The following CTNND2 variants were observed in gnomAD, a reference collection of about 807,000 sequenced individuals.
CTNND2 encodes catenin delta 2.
A neutral mutation model predicts 144.4 loss-of-function variants in CTNND2; 22 were observed. The observed-to-expected ratio is 0.15, with a 90% CI of 0.11 to 0.22. The LOEUF is 0.22. Ranked by LOEUF, CTNND2 falls within the 10% of genes least tolerant of loss-of-function variation. The pLI, the probability that CTNND2 is intolerant of heterozygous loss-of-function variation, is 1.00. For missense variants in CTNND2, 1,353 were observed against 1,618.8 expected, an observed-to-expected ratio of 0.84 and a Z score of 2.82; for synonymous variants, 751 against 695.6, an observed-to-expected ratio of 1.08 and a Z score of -1.25.
chr5:11,864,805 G>C (rs1233838713), intron 1 of CTNND2, among the ~76,000 whole-genome samples: 2 of 149,044 alleles, frequency 1.3e-5, no homozygotes, highest in Admixed American at 1.3e-4. Context: ...TGGCAAAACT[G>C]TCTCCACTTG....
chr5:11,328,700 C>T (rs1183856552), intron 9 of CTNND2, among the ~76,000 whole-genome samples: 1 of 128,112 alleles, frequency 7.8e-6, no homozygotes, highest in Non-Finnish European at 1.7e-5. Context: ...GGCTACCATA[C>T]TCCCAACAGC....
rs867120023 is a variant in CTNND2, at chr5:11,078,308, T to C, written c.2788+4388A>G. Among the ~76,000 whole-genome samples, 4 of 152,214 alleles carry C rather than the reference T, an allele frequency of 2.6e-5. No homozygotes were observed. The South Asian group carries it at 6.2e-4, about 24-fold the overall frequency. On this transcript the variant is annotated intron_variant, in intron 16 of 21. Coordinates refer to ENST00000304623, the MANE Select transcript of CTNND2 (RefSeq NM_001332.4). ...TTTAAAGTAAAATAGTTAGCAAAAG[T>C]CGCATTTCCTCTCTCTTAAATACAA...
intron 2 of CTNND2, among the ~76,000 whole-genome samples, chr5:11,648,175 T>TC (rs1478339793): frequency 6.7e-6 from 1 of 149,126 alleles, no homozygotes; most frequent in Non-Finnish European, 1.5e-5. Context: ...ACAGTGACTT[T>TC]TTTTTTTTTT....
intron 1 of CTNND2, among the ~76,000 whole-genome samples, chr5:11,837,495 G>C (rs1004063407): frequency 6.6e-6 from 1 of 152,180 alleles, no homozygotes; most frequent in African/African-American, 2.4e-5. Flanking sequence ...CAAGGGCAGG[G>C]AAGACTAGTC....
At chr5:11,889,805 C>G (rs1386629275) in intron 1 of CTNND2, among the ~76,000 whole-genome samples, 2 of 152,158 alleles carry the variant, frequency 1.3e-5, no homozygotes, top group African/African-American at 4.8e-5. Flanking sequence ...ACTTTTAAAA[C>G]TCCATATCCC....
At chr5:11,347,949 C>G (rs1039421915) in intron 8 of CTNND2, among the ~76,000 whole-genome samples, 1 of 152,048 alleles carries the variant, frequency 6.6e-6, no homozygotes, top group Admixed American at 6.6e-5. Flanking sequence ...ACTCTAATAC[C>G]GAGGATTGAC....
At chr5:10,995,937 A>G (rs953734304) in intron 18 of CTNND2, among the ~76,000 whole-genome samples, 4 of 152,166 alleles carry the variant, frequency 2.6e-5, no homozygotes, top group African/African-American at 9.7e-5. Context: ...TCTGCTGAGA[A>G]TAAGGAAGGG....
At chr5:11,250,657 C>T (rs1344333832) in intron 9 of CTNND2, among the ~76,000 whole-genome samples, 4 of 151,392 alleles carry the variant, frequency 2.6e-5, no homozygotes, top group Non-Finnish European at 5.9e-5. Flanking sequence ...GCTAGTACTA[C>T]AGGCACGCAC....
intron 3 of CTNND2, among the ~76,000 whole-genome samples, chr5:11,485,942 C>T (rs879316487): frequency 3.9e-5 from 6 of 151,990 alleles, no homozygotes; most frequent in Non-Finnish European, 5.9e-5. Flanking sequence ...TCATAAACAA[C>T]TTAAAATACA....
chr5:11,736,798 T>C (rs1287722044), intron 1 of CTNND2, among the ~76,000 whole-genome samples: 3 of 152,162 alleles, frequency 2.0e-5, no homozygotes, highest in Non-Finnish European at 2.9e-5. Flanking sequence ...ATTCTGCCAT[T>C]CCAGATAAGT....
At chr5:11,826,589 T>C (rs1462158015) in intron 1 of CTNND2, among the ~76,000 whole-genome samples, 1 of 151,942 alleles carries the variant, frequency 6.6e-6, no homozygotes, top group Non-Finnish European at 1.5e-5. Context: ...TGATATCCAA[T>C]CTAATATGGT....
Position 11,597,583 on chromosome 5 carries a change from C to CT in CTNND2, c.175-32528dup, listed in dbSNP as rs1194224784. On this transcript the variant is annotated intron_variant, in intron 2 of 21. Coordinates refer to ENST00000304623, the MANE Select transcript of CTNND2 (RefSeq NM_001332.4). ...TGAGCAGTCCGAATTAGGGAATATTCTTTTTTTTTTTTGAAACAGAGTGTC... is the reference window on the plus strand; with the variant it reads ...TGAGCAGTCCGAATTAGGGAATATTCTTTTTTTTTTTTTGAAACAGAGTGTC... Among the ~76,000 whole-genome samples, 121 of 146,986 alleles carry CT rather than the reference C, an allele frequency of 8.2e-4. 1 individual carries two copies. The highest frequency in any genetic ancestry group is 7.4e-3 in the South Asian group (34 of 4,600).
chr5:11,084,000 C>T (rs995881604), intron 15 of CTNND2: 4 of 1,013,334 alleles, frequency 3.9e-6, no homozygotes, highest in Non-Finnish European at 4.8e-6. Context: ...TCCTGTCCTA[C>T]ATTAGAAATC....
chr5:11,118,589 C>T (rs1205735692), intron 12 of CTNND2, among the ~76,000 whole-genome samples: 1 of 152,132 alleles, frequency 6.6e-6, no homozygotes, highest in African/African-American at 2.4e-5. Context: ...CTTGGTGATG[C>T]TGATGTTGAG....
At chr5:11,107,609 T>C (rs552876153) in intron 14 of CTNND2, among the ~76,000 whole-genome samples, 65 of 152,376 alleles carry the variant, frequency 4.3e-4, no homozygotes, top group African/African-American at 9.6e-4. Flanking sequence ...AGGGATACTT[T>C]TTGACACATA....
intron 15 of CTNND2, among the ~76,000 whole-genome samples, chr5:11,098,318 C>T (rs1751560450): frequency 6.6e-6 from 1 of 151,488 alleles, no homozygotes; most frequent in Admixed American, 6.6e-5. Context: ...GAATGAAAAA[C>T]ATTTCACAGC....
intron 1 of CTNND2, among the ~76,000 whole-genome samples, chr5:11,809,628 C>T (rs538986678): frequency 1.2e-4 from 19 of 152,170 alleles, no homozygotes; most frequent in Non-Finnish European, 2.6e-4. Flanking sequence ...TCATCATCAT[C>T]GCCAAATATT....
At chr5:11,194,249 G>A (rs1019960456) in intron 11 of CTNND2, among the ~76,000 whole-genome samples, 3 of 152,144 alleles carry the variant, frequency 2.0e-5, no homozygotes, top group African/African-American at 7.2e-5. Flanking sequence ...TCAAGAGATG[G>A]CAGGCACCTG....
chr5:11,814,953 T>C (rs71599583), intron 1 of CTNND2, among the ~76,000 whole-genome samples: 144 of 152,350 alleles, frequency 9.5e-4, no homozygotes, highest in Non-Finnish European at 1.5e-3. Flanking sequence ...CATATTTTAG[T>C]AGTAAATGCA....
Sources: allele counts gnomAD v4.1 joint callset (sites outside exome capture counted in the v4.1 genomes callset), GRCh38; gene constraint gnomAD v4.1.1; transcripts MANE v1.5; gene names NCBI Gene and HGNC (gene_info 2026-07-23, HGNC 2026-07-21).